RBFOX3: variants seen among roughly 807,000 people sequenced by gnomAD.
RBFOX3 encodes the protein RNA binding protein fox-1 homolog 3.
Under a neutral mutation model 48.7 loss-of-function variants are expected in RBFOX3, and 17 were observed. The observed-to-expected ratio is 0.35, with a 90% CI of 0.24 to 0.52. The LOEUF (loss-of-function observed/expected upper bound fraction) is 0.52, where lower values mean the gene tolerates loss of function less well. Ranked by LOEUF, RBFOX3 falls within the 20% of genes least tolerant of loss-of-function variation. RBFOX3 has a pLI of 0.94. For synonymous variants in RBFOX3, 212 were observed against 209.5 expected (o/e 1.01, Z -0.10); for missense variants, 382 against 497.5 (o/e 0.77, Z 2.21).
intron 2 of RBFOX3, among the ~76,000 whole-genome samples, chr17:79,358,303 G>A (rs1384036414): frequency 6.6e-6 from 1 of 152,114 alleles, no homozygotes; most frequent in Non-Finnish European, 1.5e-5. Context: ...GGGGAAGGTA[G>A]TGAGCTAGAG....
chr17:79,665,072 T>A, the RBFOX3 span, among the ~76,000 whole-genome samples: 1 of 152,122 alleles, frequency 6.6e-6, no homozygotes, highest in African/African-American at 2.4e-5. Flanking sequence ...TGATCCGGCA[T>A]TCAGATTCAG....
At chr17:79,240,622 C>T (rs984775688) in intron 3 of RBFOX3, among the ~76,000 whole-genome samples, 1 of 152,172 alleles carries the variant, frequency 6.6e-6, no homozygotes, top group Admixed American at 6.5e-5. Context: ...AGAAAGGATA[C>T]TCTGATGTTT....
At chr17:79,277,786 GC>G (rs1384630769) in intron 3 of RBFOX3, among the ~76,000 whole-genome samples, 1 of 152,240 alleles carries the variant, frequency 6.6e-6, no homozygotes, top group Non-Finnish European at 1.5e-5. Flanking sequence ...AGAGGATGGG[GC>G]AAGCCAGAAG....
chr17:79,337,225 C>T lies in RBFOX3; in HGVS notation c.-174-29401G>A, dbSNP rs539698825. Among the ~76,000 whole-genome samples, 5 of 152,208 alleles carry T rather than the reference C, an allele frequency of 3.3e-5. No individual in the cohort carries two copies. In the South Asian group the frequency reaches 1.0e-3, roughly 32 times the overall value. ...CCTAGGATCAGACTCCAGGCTAGGACTTTTCAAAGGAAACATTGTGCTTAC... is the reference window on the plus strand; with the variant it reads ...CCTAGGATCAGACTCCAGGCTAGGATTTTTCAAAGGAAACATTGTGCTTAC... On this transcript the variant is annotated intron_variant, in intron 2 of 14. Coordinates refer to ENST00000693108, the MANE Select transcript of RBFOX3 (RefSeq NM_001350451.2).
intron 2 of RBFOX3, among the ~76,000 whole-genome samples, chr17:79,370,298 G>A (rs1343313513): frequency 6.6e-6 from 1 of 152,204 alleles, no homozygotes; most frequent in Non-Finnish European, 1.5e-5. Flanking sequence ...CCCATTCCCA[G>A]CAGGGCCAGA....
intron 2 of RBFOX3, among the ~76,000 whole-genome samples, chr17:79,466,317 G>C (rs982579765): frequency 2.0e-5 from 3 of 152,232 alleles, no homozygotes; most frequent in Non-Finnish European, 4.4e-5. Flanking sequence ...AGAGTCCTGG[G>C]GGGCGGGGGG....
chr17:79,330,400 C>T (rs1245927398), intron 2 of RBFOX3, among the ~76,000 whole-genome samples: 1 of 152,144 alleles, frequency 6.6e-6, no homozygotes, highest in African/African-American at 2.4e-5. Context: ...CCACTCAGAC[C>T]CTCACTGTCA....
intron 2 of RBFOX3, among the ~76,000 whole-genome samples, chr17:79,472,571 G>A (rs944598230): frequency 6.6e-6 from 1 of 152,222 alleles, no homozygotes; most frequent in Non-Finnish European, 1.5e-5. Flanking sequence ...ACAAGCCAAA[G>A]AGAAGCCTTC....
intron 2 of RBFOX3, among the ~76,000 whole-genome samples, chr17:79,368,302 C>A (rs2058065329): frequency 6.6e-6 from 1 of 151,024 alleles, no homozygotes; most frequent in African/African-American, 2.4e-5. Flanking sequence ...TGAGGAGAGA[C>A]CTCCCCCTCC....
chr17:79,665,380 G>T, the RBFOX3 span, among the ~76,000 whole-genome samples: 1 of 151,682 alleles, frequency 6.6e-6, no homozygotes, highest in Non-Finnish European at 1.5e-5. Context: ...CCTGGGAGGG[G>T]CCTGGAGAGG....
In RBFOX3 at chr17:79,476,157, C is replaced by G. The variant is rs2077715168; in HGVS notation, c.-175+6297G>C. ...ATCTGGGGAGCAGCGGCAGGGCCCT[C>G]CCTTCCCGCTCCAGCGCTGGAACTA... On this transcript the variant is annotated intron_variant, in intron 2 of 14. Coordinates refer to ENST00000693108, the MANE Select transcript of RBFOX3 (RefSeq NM_001350451.2). Among the ~76,000 whole-genome samples the G allele has an allele frequency of 2.0e-5, 3 of 152,208 alleles. No individual in the cohort carries two copies. The South Asian group carries it at 6.2e-4, about 31-fold the overall frequency.
chr17:79,463,873 G>GCCACTGCCACCACCATCGCCATCA (rs2075952336), intron 2 of RBFOX3, among the ~76,000 whole-genome samples: 2 of 137,712 alleles, frequency 1.5e-5, no homozygotes, highest in East Asian at 4.3e-4. Context: ...CATCGCCACT[G>GCCACTGCCACCACCATCGCCATCA]CCACTGCCAC....
intron 5 of RBFOX3, among the ~76,000 whole-genome samples, chr17:79,113,471 C>T (rs1432317933): frequency 6.6e-6 from 1 of 151,890 alleles, no homozygotes; most frequent in Non-Finnish European, 1.5e-5. Flanking sequence ...AGACCATGAC[C>T]CTGAACCCTC....
chr17:79,467,117 G>A (rs2149336973), intron 2 of RBFOX3, among the ~76,000 whole-genome samples: 1 of 152,226 alleles, frequency 6.6e-6, no homozygotes, highest in African/African-American at 2.4e-5. Context: ...GCTCAGGACT[G>A]CGGTGGCATC....
chr17:79,522,844 C>T (rs913100595), intron 1 of RBFOX3, among the ~76,000 whole-genome samples: 12 of 147,018 alleles, frequency 8.2e-5, no homozygotes, highest in African/African-American at 1.3e-4. Flanking sequence ...GCAGGAGAAT[C>T]GCTTGAACCT....
intron 4 of RBFOX3, among the ~76,000 whole-genome samples, chr17:79,137,430 CCT>C (rs201883274): frequency 0.011 from 1,719 of 152,282 alleles, 19 homozygotes; most frequent in South Asian, 0.033. Flanking sequence ...AAAATCACCC[CCT>C]GTTGAGAATC....
chr17:79,532,269 A>C (rs1355384824), intron 1 of RBFOX3, among the ~76,000 whole-genome samples: 2 of 152,108 alleles, frequency 1.3e-5, no homozygotes, highest in African/African-American at 4.8e-5. Flanking sequence ...CAGCTCCTAA[A>C]GGCAGAATAG....
In RBFOX3 at chr17:79,487,498, G is replaced by A. The variant is rs1461211651; in HGVS notation, c.-319-4900C>T. 2.6e-5 allele frequency among the ~76,000 whole-genome samples: 4 copies of A among 152,282 alleles called. No homozygotes were observed. In the East Asian group the frequency reaches 5.8e-4, roughly 22 times the overall value. ...TGGCCGAATCACCATCATCATCCTC[G>A]TCCTCAGCCCCCCGTCAGTGTTTGC... On this transcript the variant is annotated intron_variant, in intron 1 of 14. Transcript: ENST00000693108.
At chr17:79,496,882 G>A (rs934733601) in intron 1 of RBFOX3, among the ~76,000 whole-genome samples, 14 of 152,200 alleles carry the variant, frequency 9.2e-5, no homozygotes, top group Admixed American at 3.9e-4. Flanking sequence ...TGTCTGCCAC[G>A]TAGCAGGGCA....
Sources: allele counts gnomAD v4.1 joint callset (sites outside exome capture counted in the v4.1 genomes callset), GRCh38; gene constraint gnomAD v4.1.1; transcripts MANE v1.5; gene names NCBI Gene and HGNC (gene_info 2026-07-23, HGNC 2026-07-21).